The following SFSWAP variants were observed in gnomAD, a reference collection of about 807,000 sequenced individuals.
SFSWAP encodes the protein splicing factor SWAP, also known as splicing factor, suppressor of white-apricot homolog.
SFSWAP carries 17 observed loss-of-function variants against 100.7 expected under a neutral mutation model. The ratio of observed to expected loss-of-function variants is 0.17; its 90% CI spans 0.12 to 0.25. SFSWAP has a LOEUF of 0.25. Ranked by LOEUF, SFSWAP falls within the 10% of genes least tolerant of loss-of-function variation. The pLI is 1.00. For missense variants in SFSWAP, 1,005 were observed against 1,262.6 expected (o/e 0.80, Z 3.09); for synonymous variants, 504 against 510.1 (o/e 0.99, Z 0.16).
intron 13 of SFSWAP, among the ~76,000 whole-genome samples, chr12:131,768,091 T>G (rs2136241438): frequency 6.6e-6 from 1 of 152,368 alleles, no homozygotes; most frequent in Admixed American, 6.5e-5. Flanking sequence ...GCTCGCCCTC[T>G]CTGAGAGTCG....
At chr12:131,793,882 A>G (rs1223987353) in intron 15 of SFSWAP, among the ~76,000 whole-genome samples, 1 of 151,798 alleles carries the variant, frequency 6.6e-6, no homozygotes, top group Non-Finnish European at 1.5e-5. Context: ...GACGGGGGTC[A>G]CCCGTCCCTA....
chr12:131,712,321 G>A (rs1284290946), intron 1 of SFSWAP: 1 of 152,218 alleles, frequency 6.6e-6, no homozygotes, highest in African/African-American at 2.4e-5. Context: ...AACATTACAT[G>A]ATGTAGGTGG....
intron 7 of SFSWAP, among the ~76,000 whole-genome samples, chr12:131,735,661 C>T (rs555561711): frequency 1.3e-5 from 2 of 152,364 alleles, no homozygotes; most frequent in Non-Finnish European, 2.9e-5. Context: ...TTGCTGTTCC[C>T]TTGGTCTTGG....
chr12:131,731,820 C>T (rs1321373508), intron 7 of SFSWAP, among the ~76,000 whole-genome samples: 1 of 150,230 alleles, frequency 6.7e-6, no homozygotes, highest in Non-Finnish European at 1.5e-5. Context: ...AGCTACCTCT[C>T]AAATTGGCAT....
At chr12:131,753,040 G>A in intron 7 of SFSWAP, 83 bp from the exon 8 acceptor site, 2 of 1,568,560 alleles carry the variant, frequency 1.3e-6, no homozygotes, top group East Asian at 4.5e-5. Context: ...CTTGCCGGGG[G>A]AAGGGCTCTT....
At chr12:131,718,660 GA>G (rs2136178904) in intron 3 of SFSWAP, among the ~76,000 whole-genome samples, 1 of 152,322 alleles carries the variant, frequency 6.6e-6, no homozygotes, top group Admixed American at 6.5e-5. Flanking sequence ...ATTCAAAGAT[GA>G]AAATCAGTTA....
intron 13 of SFSWAP, among the ~76,000 whole-genome samples, chr12:131,771,044 C>T (rs184157927): frequency 2.0e-5 from 3 of 152,280 alleles, no homozygotes; most frequent in Non-Finnish European, 4.4e-5. Flanking sequence ...GAATGGTGCT[C>T]GGTCGTGTGC....
chr12:131,763,496 C>T (rs1025222968), intron 11 of SFSWAP, among the ~76,000 whole-genome samples: 2 of 152,036 alleles, frequency 1.3e-5, no homozygotes, highest in Non-Finnish European at 2.9e-5. Context: ...AGTGGTGGGG[C>T]GGGAAAGATG....
At chr12:131,731,551 G>A (rs1593122882) in intron 7 of SFSWAP, among the ~76,000 whole-genome samples, 1 of 152,196 alleles carries the variant, frequency 6.6e-6, no homozygotes, top group East Asian at 1.9e-4. Context: ...TTAGGGAACT[G>A]CCTGTAATTC....
In SFSWAP at chr12:131,725,764, A is replaced by G. The variant is rs1878909054; in HGVS notation, c.832+134A>G. 7 of 676,434 alleles carry G rather than the reference A, an allele frequency of 1.0e-5. No homozygotes were observed. Among genetic ancestry groups the G allele is most frequent in the Non-Finnish European group, 1.6e-5 (6 of 385,420 alleles). The allele number at this position is 676,434 out of a possible 1,614,324, so 41.9% of individuals were successfully genotyped here. A position where few individuals can be genotyped will look rare whatever the true frequency, so the allele number is the denominator to read the frequency against. On this transcript the variant is annotated intron_variant, in intron 5 of 17. Transcript: ENST00000261674. The surrounding 1 kb of genome is among the most constrained non-coding windows in gnomAD (Gnocchi z 4.3). ...GGTTGAAAGCCAGACTCGAATTTCTAGAATGTGTCTGAAATCCTGCAGCTA... is the reference window on the plus strand; with the variant it reads ...GGTTGAAAGCCAGACTCGAATTTCTGGAATGTGTCTGAAATCCTGCAGCTA...
chr12:131,775,607 A>G (rs1236947281), intron 13 of SFSWAP, among the ~76,000 whole-genome samples: 1 of 152,110 alleles, frequency 6.6e-6, no homozygotes, highest in Non-Finnish European at 1.5e-5. Flanking sequence ...TGTATGGGAG[A>G]GGCCATAGCT....
At chr12:131,760,642 G>A (rs1234227141) in intron 11 of SFSWAP, among the ~76,000 whole-genome samples, 1 of 152,090 alleles carries the variant, frequency 6.6e-6, no homozygotes, top group Non-Finnish European at 1.5e-5. Flanking sequence ...GTTCGTTGTA[G>A]GGCATGTTTG....
intron 13 of SFSWAP, among the ~76,000 whole-genome samples, chr12:131,777,014 G>A (rs1884077914): frequency 6.6e-6 from 1 of 152,116 alleles, no homozygotes; most frequent in Non-Finnish European, 1.5e-5. Context: ...AACATCAAAG[G>A]GGAGCCTAGA....
intron 7 of SFSWAP, among the ~76,000 whole-genome samples, chr12:131,745,945 T>C (rs1481908525): frequency 6.6e-6 from 1 of 152,228 alleles, no homozygotes; most frequent in Non-Finnish European, 1.5e-5. Context: ...CCAGCCCTGC[T>C]AGGGTAAATC....
rs368881465 is a variant in SFSWAP, at chr12:131,711,715, C to T, written c.218+268C>T. ...CCGCAGCCCCTCTCGACCCCTCACC[C>T]TGTCGCTGGGCTGCAGTTGGCGATT... is the stretch of plus-strand genomic sequence containing the variant. On this transcript the variant is annotated intron_variant, in intron 1 of 17. Transcript: ENST00000261674. The surrounding 1 kb of genome is among the most constrained non-coding windows in gnomAD (Gnocchi z 4.9). The T allele has an allele frequency of 2.7e-5, 12 of 445,124 alleles. No homozygotes were observed. The Middle Eastern group carries it at 2.4e-3, about 91-fold the overall frequency. 27.6% of individuals were successfully genotyped at this position (445,124 alleles called of 1,614,324 possible). A position where few individuals can be genotyped will look rare whatever the true frequency, so the allele number is the denominator to read the frequency against.
At chr12:131,728,777 G>A (rs914006190) in intron 7 of SFSWAP, among the ~76,000 whole-genome samples, 1 of 150,866 alleles carries the variant, frequency 6.6e-6, no homozygotes, top group Non-Finnish European at 1.5e-5. Flanking sequence ...CATGGTTCAC[G>A]GCAGCCTGAC....
At chr12:131,795,237 C>G (rs1389008926) in intron 15 of SFSWAP, among the ~76,000 whole-genome samples, 3 of 152,200 alleles carry the variant, frequency 2.0e-5, no homozygotes, top group African/African-American at 7.2e-5. Flanking sequence ...TGGATTTAAG[C>G]TGCCAGCGAG....
intron 7 of SFSWAP, among the ~76,000 whole-genome samples, chr12:131,749,257 G>A (rs906053636): frequency 3.3e-5 from 5 of 152,304 alleles, no homozygotes; most frequent in Admixed American, 1.3e-4. Context: ...TTGTCGGGAA[G>A]TAGCCTCGCT....
rs769165452 is a variant in SFSWAP at position 131,726,930 on chromosome 12, T to C, written c.833-10T>C. On this transcript the variant is annotated splice_polypyrimidine_tract_variant and intron_variant, in intron 5 of 17. Transcript: ENST00000261674. ...AACACCAAAATCTTGAAATGTGATT[T>C]TGATTTCAGAATCAGGAGTCAGCTC... is the stretch of plus-strand genomic sequence containing the variant. 2.0e-6 allele frequency: 3 copies of C among 1,515,718 alleles called. No homozygotes were observed. The Admixed American group carries it at 5.3e-5, about 27-fold the overall frequency. 93.9% of individuals were successfully genotyped at this position (1,515,718 alleles called of 1,614,324 possible).
Sources: gnomAD v4.1 joint callset for allele counts (sites outside exome capture counted in the v4.1 genomes callset) on GRCh38, gnomAD v4.1.1 for gene constraint, Gnocchi (gnomAD v3.1) non-coding constraint, MANE v1.5 for transcripts, NCBI Gene and HGNC (gene_info 2026-07-23, HGNC 2026-07-21) for gene names.